Variants in TRPS1 observed in about 807,000 individuals in gnomAD.
The protein encoded by TRPS1 is zinc finger transcription factor Trps1.
A neutral mutation model predicts 101.2 loss-of-function variants in TRPS1; 6 were observed. The observed-to-expected ratio is 0.06, with a 90% confidence interval of 0.03 to 0.12. The LOEUF is 0.12. TRPS1 is among the 10% of genes least tolerant of loss of function. TRPS1 has a pLI of 1.00. For synonymous variants in TRPS1, 578 were observed against 589.8 expected, an observed-to-expected ratio of 0.98 and a Z score of 0.29; for missense variants, 1,363 against 1,567.0, an observed-to-expected ratio of 0.87 and a Z score of 2.20.
At chr8:115,509,603 A>G (rs956874027) in intron 5 of TRPS1, 1 of 152,064 alleles carries the variant, frequency 6.6e-6, no homozygotes. Flanking sequence ...CATTTTACAG[A>G]AAAGAAAAGT....
At chr8:115,463,811 C>T (rs1374681386) in intron 5 of TRPS1, among the ~76,000 whole-genome samples, 2 of 151,842 alleles carry the variant, frequency 1.3e-5, no homozygotes, top group Non-Finnish European at 2.9e-5. Context: ...GAGGGCACAC[C>T]TTTCCTTAGT....
intron 5 of TRPS1, among the ~76,000 whole-genome samples, chr8:115,533,437 T>TTTTTTTTTTTTTG (rs1816190673): frequency 9.8e-6 from 1 of 101,732 alleles, no homozygotes; most frequent in Non-Finnish European, 1.8e-5. Context: ...ATGTAATCTG[T>TTTTTTTTTTTTTG]TTTTTTTTTT....
In TRPS1 at chr8:115,619,827, C is replaced by A. The variant is rs537309291; in HGVS notation, c.271G>T (p.Ala91Ser). 1.2e-6 allele frequency: 2 copies of A among 1,614,092 alleles called. No individual in the cohort carries two copies. The highest frequency in any genetic ancestry group is 1.7e-6 in the Non-Finnish European group (2 of 1,180,052). ...AAGCCAGCCTTCTCACTCAGAACTG[C>A]GCTTTTCAAGTCCTTCTTACTGCTA... ...SSSSKKDLKS[A>S]VLSEKAGFNY... is the part of the protein sequence containing the mutation. The change falls in exon 3 of 7, where the codon GCA (alanine) becomes TCA (serine). Residue 91 changes from alanine to serine, a missense_variant. Around this residue, in one of 5 missense-constraint regions of TRPS1, gnomAD observed 1,020 missense variants for 1,073.0 expected, o/e 0.95. Coordinates refer to ENST00000395715, the MANE Select transcript of TRPS1 (RefSeq NM_014112.5).
chr8:115,583,396 A>C (rs532677412), intron 5 of TRPS1, among the ~76,000 whole-genome samples: 4 of 152,110 alleles, frequency 2.6e-5, no homozygotes, highest in Non-Finnish European at 5.9e-5. Flanking sequence ...TACTGTTGGT[A>C]CAGGTAATTT....
intron 5 of TRPS1, among the ~76,000 whole-genome samples, chr8:115,435,549 G>C (rs1391522577): frequency 6.6e-6 from 1 of 152,092 alleles, no homozygotes; most frequent in African/African-American, 2.4e-5. Flanking sequence ...CTCACGGTGG[G>C]CTGGTTCATG....
intron 5 of TRPS1, among the ~76,000 whole-genome samples, chr8:115,459,092 C>T (rs571727040): frequency 6.6e-6 from 1 of 152,238 alleles, no homozygotes; most frequent in Admixed American, 6.5e-5. Context: ...AATCCCAGCA[C>T]TTTGGGAGGC....
chr8:115,429,164 GA>G (rs1441580967), intron 5 of TRPS1, among the ~76,000 whole-genome samples: 1 of 152,076 alleles, frequency 6.6e-6, no homozygotes, highest in Non-Finnish European at 1.5e-5. Context: ...AATTACACAG[GA>G]AAGTCCTATA....
chr8:115,632,351 T>C (rs1387756980), intron 1 of TRPS1, among the ~76,000 whole-genome samples: 1 of 152,146 alleles, frequency 6.6e-6, no homozygotes, highest in East Asian at 1.9e-4. Flanking sequence ...ATAGTTTATC[T>C]TTTAAGAGAA....
chr8:115,590,825 A>G (rs544309617), intron 4 of TRPS1, among the ~76,000 whole-genome samples: 1 of 152,348 alleles, frequency 6.6e-6, no homozygotes, highest in African/African-American at 2.4e-5. Flanking sequence ...GTTAATCAGT[A>G]TAAATCCTAA....
chr8:115,438,827 G>A (rs942060502), intron 5 of TRPS1, among the ~76,000 whole-genome samples: 3 of 151,750 alleles, frequency 2.0e-5, no homozygotes, highest in Non-Finnish European at 4.4e-5. Flanking sequence ...TTTACAGACT[G>A]CCTAAGTTCC....
chr8:115,454,951 TTTTG>T (rs1205485971), intron 5 of TRPS1, among the ~76,000 whole-genome samples: 1 of 152,194 alleles, frequency 6.6e-6, no homozygotes, highest in Non-Finnish European at 1.5e-5. Flanking sequence ...ACCATGTGGA[TTTTG>T]TTTTTCTTTT....
At chr8:115,436,408 TG>T (rs1189001900) in intron 5 of TRPS1, among the ~76,000 whole-genome samples, 1 of 152,208 alleles carries the variant, frequency 6.6e-6, no homozygotes, top group African/African-American at 2.4e-5. Flanking sequence ...TGCACTTTCT[TG>T]AGAGGTCAAA....
At chr8:115,468,657 G>T (rs1814386245) in intron 5 of TRPS1, among the ~76,000 whole-genome samples, 1 of 152,166 alleles carries the variant, frequency 6.6e-6, no homozygotes, top group Admixed American at 6.6e-5. Context: ...AAAACCTGAA[G>T]AGTAGAACAG....
chr8:115,500,858 C>T (rs1379380764), intron 5 of TRPS1, among the ~76,000 whole-genome samples: 1 of 152,082 alleles, frequency 6.6e-6, no homozygotes, highest in East Asian at 1.9e-4. Context: ...TAGGCAGGAG[C>T]CACCGCGCCC....
At chr8:115,603,134 T>A (rs1225163169) in intron 4 of TRPS1, among the ~76,000 whole-genome samples, 2 of 152,116 alleles carry the variant, frequency 1.3e-5, no homozygotes, top group Non-Finnish European at 2.9e-5. Context: ...AATGCATACA[T>A]GAAATAAAGA....
intron 5 of TRPS1, among the ~76,000 whole-genome samples, chr8:115,436,544 GT>G (rs1306099816): frequency 6.6e-6 from 1 of 152,030 alleles, no homozygotes; most frequent in Non-Finnish European, 1.5e-5. Flanking sequence ...TATTATTATT[GT>G]TTTAGAGACA....
At chr8:115,482,200 T>G (rs1450519332) in intron 5 of TRPS1, among the ~76,000 whole-genome samples, 1 of 152,150 alleles carries the variant, frequency 6.6e-6, no homozygotes, top group Admixed American at 6.5e-5. Context: ...AACTAACCAT[T>G]CATTCAATGA....
At chr8:115,500,297 G>A (rs984252088) in intron 5 of TRPS1, among the ~76,000 whole-genome samples, 9 of 151,994 alleles carry the variant, frequency 5.9e-5, no homozygotes, top group Admixed American at 3.9e-4. Context: ...CAAAGTGCTG[G>A]GATTACAGGT....
chr8:115,539,088 C>T (rs764668408), intron 5 of TRPS1, among the ~76,000 whole-genome samples: 2 of 152,170 alleles, frequency 1.3e-5, no homozygotes, highest in Non-Finnish European at 2.9e-5. Context: ...AACAACTCTA[C>T]TTCCTGATTT....
Sources: allele counts gnomAD v4.1 joint callset (sites outside exome capture counted in the v4.1 genomes callset), GRCh38; gene constraint gnomAD v4.1.1; regional missense constraint gnomAD v4.1.1; transcripts MANE v1.5; gene names NCBI Gene and HGNC (gene_info 2026-07-23, HGNC 2026-07-21).